The following ACOT1 variants were observed in gnomAD, a reference collection of about 807,000 sequenced individuals.
The protein encoded by ACOT1 is acyl-coenzyme A thioesterase 1.
Under a neutral mutation model 15.7 loss-of-function variants are expected in ACOT1, and 8 were observed. The ratio of observed to expected loss-of-function variants is 0.51; its 90% confidence interval spans 0.30 to 0.92. The LOEUF (loss-of-function observed/expected upper bound fraction) is 0.92. Ranked by LOEUF, ACOT1 falls within the 40% of genes least tolerant of loss-of-function variation. The pLI is 0.06. For missense variants in ACOT1, 151 were observed against 539.4 expected (o/e 0.28, Z 7.13); for synonymous variants, 67 against 241.2 (o/e 0.28, Z 6.69).
chr14:73,491,565 C>T, the ACOT1 span: 2 of 1,540,702 alleles, frequency 1.3e-6, no homozygotes, highest in African/African-American at 1.4e-5. Flanking sequence ...GCCTGGGACT[C>T]CCCGCTGCGG....
At chr14:73,514,161 C>T in the ACOT1 span, 3 of 1,614,156 alleles carry the variant, frequency 1.9e-6, no homozygotes, top group Non-Finnish European at 2.5e-6. Flanking sequence ...CCTTCTCACC[C>T]ACCTGCAGCA....
chr14:73,541,426 T>C, intron 1 of ACOT1, 67 bp from the exon 2 acceptor site: 1 of 1,183,880 alleles, frequency 8.4e-7, no homozygotes, highest in Admixed American at 2.4e-5. Flanking sequence ...ATGTTTAACT[T>C]GGTAAGAAAC....
At chr14:73,517,978 C>T in the ACOT1 span, among the ~76,000 whole-genome samples, 22 of 151,982 alleles carry the variant, frequency 1.4e-4, no homozygotes, top group South Asian at 2.1e-4. Flanking sequence ...CCCAGCTACT[C>T]GTGAGGCAGA....
chr14:73,523,288 A>G, the ACOT1 span: 1 of 774,506 alleles, frequency 1.3e-6, no homozygotes, highest in Non-Finnish European at 2.0e-6. Context: ...AGCCCATAGC[A>G]GTTCAGAAAG....
At chr14:73,497,311 A>T in the ACOT1 span, among the ~76,000 whole-genome samples, 1 of 152,184 alleles carries the variant, frequency 6.6e-6, no homozygotes, top group African/African-American at 2.4e-5. Context: ...AAGTGTTGGG[A>T]TTACAGATGT....
In ACOT1 at chr14:73,539,429, C is replaced by T. The variant is rs1889000139; in HGVS notation, c.457+1551C>T. 2 of 125,082 alleles carry T rather than the reference C, an allele frequency of 1.6e-5. 1 individual carries two copies. The allele number at this position is 125,082 out of a possible 1,614,324, so 7.7% of individuals were successfully genotyped here. A position where few individuals can be genotyped will look rare whatever the true frequency, so the allele number is the denominator to read the frequency against. On this transcript the variant is annotated intron_variant, in intron 1 of 2. Coordinates refer to ENST00000311148, the MANE Select transcript of ACOT1 (RefSeq NM_001037161.2). ...GGATAATTCACTCCACAAGCTGGGACTCCAGGTGCTGCTCTACCCAGCGGT... is the reference window on the plus strand; with the variant it reads ...GGATAATTCACTCCACAAGCTGGGATTCCAGGTGCTGCTCTACCCAGCGGT...
At chr14:73,517,945 G>A in the ACOT1 span, among the ~76,000 whole-genome samples, 1 of 152,146 alleles carries the variant, frequency 6.6e-6, no homozygotes, top group Non-Finnish European at 1.5e-5. Flanking sequence ...AATTAGCTGG[G>A]TGTGGTGGCG....
the ACOT1 span, chr14:73,498,280 A>G: frequency 6.2e-6 from 10 of 1,614,090 alleles, no homozygotes; most frequent in African/African-American, 2.7e-5. Flanking sequence ...GTGACTCTTC[A>G]TAGTGGATAG....
At chr14:73,522,305 T>A in the ACOT1 span, 1 of 1,614,220 alleles carries the variant, frequency 6.2e-7, no homozygotes, top group Admixed American at 1.7e-5. Flanking sequence ...TTCTGGCTTC[T>A]TCTTTTCCTG....
intron 1 of ACOT1, among the ~76,000 whole-genome samples, chr14:73,538,575 G>A (rs1233684956): frequency 2.2e-5 from 2 of 90,058 alleles, no homozygotes; most frequent in Non-Finnish European, 4.4e-5. Flanking sequence ...ATCGTGCCAC[G>A]CACTCCAGCC....
At chr14:73,522,247 G>A in the ACOT1 span, 1 of 1,599,596 alleles carries the variant, frequency 6.3e-7, no homozygotes, top group South Asian at 1.1e-5. Context: ...TATCAAAGGT[G>A]CACTTGAGGC....
the ACOT1 span, among the ~76,000 whole-genome samples, chr14:73,502,693 A>G: frequency 6.6e-6 from 1 of 152,068 alleles, no homozygotes. Context: ...GATGACAGGC[A>G]TGTGCCACCA....
chr14:73,536,210 A>C (rs185197365), upstream of ACOT1, among the ~76,000 whole-genome samples: 127 of 113,714 alleles, frequency 1.1e-3, 30 homozygotes, highest in African/African-American at 3.3e-3. Context: ...GTGAGTTTGA[A>C]GCTTACGCAT....
the ACOT1 span, among the ~76,000 whole-genome samples, chr14:73,528,705 A>T: frequency 6.6e-6 from 1 of 152,218 alleles, no homozygotes; most frequent in African/African-American, 2.4e-5. Context: ...TATGAAGCTC[A>T]AAATCAGAAA....
upstream of ACOT1, among the ~76,000 whole-genome samples, chr14:73,536,047 ATGTG>A (rs1383171359): frequency 8.6e-6 from 1 of 115,924 alleles, no homozygotes; most frequent in African/African-American, 2.8e-5. Context: ...AATATACTTG[ATGTG>A]TGCCACAGAA....
chr14:73,498,020 A>G, the ACOT1 span: 6 of 722,586 alleles, frequency 8.3e-6, no homozygotes, highest in Admixed American at 1.4e-4. Flanking sequence ...TACTTGGGTG[A>G]GTGGTGAATG....
At chr14:73,498,102 T>C in the ACOT1 span, 5 of 1,504,878 alleles carry the variant, frequency 3.3e-6, no homozygotes, top group African/African-American at 2.8e-5. Context: ...TGAGCAAAGA[T>C]GTGAGAGTTG....
At chr14:73,502,148 A>G in the ACOT1 span, among the ~76,000 whole-genome samples, 1 of 149,858 alleles carries the variant, frequency 6.7e-6, no homozygotes, top group Non-Finnish European at 1.5e-5. Flanking sequence ...CCTGCTTCAG[A>G]GTCTCAAAGT....
chr14:73,495,141 G>C, the ACOT1 span: 7 of 1,176,882 alleles, frequency 5.9e-6, no homozygotes, highest in African/African-American at 7.7e-5. Context: ...ATCCTCTAAG[G>C]CTTGCTACTA....
Sources: allele counts gnomAD v4.1 joint callset (sites outside exome capture counted in the v4.1 genomes callset), GRCh38; gene constraint gnomAD v4.1.1; transcripts MANE v1.5; gene names NCBI Gene and HGNC (gene_info 2026-07-23, HGNC 2026-07-21).